The following PTPRD variants were observed in gnomAD, a reference collection of about 807,000 sequenced individuals.
The protein encoded by PTPRD is receptor-type tyrosine-protein phosphatase delta.
PTPRD carries 34 observed loss-of-function variants against 214.5 expected under a neutral mutation model. The observed-to-expected ratio is 0.16, with a 90% CI of 0.12 to 0.21. The LOEUF is 0.21. Ranked by LOEUF, PTPRD falls within the 10% of genes least tolerant of loss-of-function variation. The probability of loss-of-function intolerance (pLI) is 1.00; values close to 1 mark genes in which losing one functional copy is unlikely to be tolerated. For synonymous variants in PTPRD, 1,128 were observed against 845.7 expected, an observed-to-expected ratio of 1.33 and a Z score of -5.79; for missense variants, 2,545 against 2,398.7, an observed-to-expected ratio of 1.06 and a Z score of -1.27.
intron 8 of PTPRD, among the ~76,000 whole-genome samples, chr9:9,476,657 G>A (rs796368989): frequency 3.3e-5 from 5 of 152,216 alleles, no homozygotes; most frequent in African/African-American, 1.2e-4. Context: ...TAACTCCTCT[G>A]CTCATACTAA....
intron 10 of PTPRD, among the ~76,000 whole-genome samples, chr9:9,095,350 A>G (rs189334919): frequency 6.6e-6 from 1 of 152,326 alleles, no homozygotes; most frequent in African/African-American, 2.4e-5. Flanking sequence ...TCTACATAGA[A>G]AATCTGAAGA....
At chr9:9,889,321 GA>G (rs2072301952) in intron 5 of PTPRD, among the ~76,000 whole-genome samples, 1 of 152,094 alleles carries the variant, frequency 6.6e-6, no homozygotes, top group African/African-American at 2.4e-5. Context: ...TAACTAGCTA[GA>G]TTTAGTCATT....
intron 11 of PTPRD, among the ~76,000 whole-genome samples, chr9:8,941,452 G>A (rs975426619): frequency 1.3e-5 from 2 of 152,052 alleles, no homozygotes; most frequent in African/African-American, 4.8e-5. Flanking sequence ...ATATTTCTCA[G>A]AAAAAGAGCA....
intron 4 of PTPRD, among the ~76,000 whole-genome samples, chr9:10,031,220 T>A (rs576207065): frequency 9.2e-5 from 14 of 152,186 alleles, no homozygotes; most frequent in Non-Finnish European, 1.8e-4. Flanking sequence ...AACAGCTGGG[T>A]GACCTGTGAA....
chr9:8,511,436 T>C (rs774255056), intron 21 of PTPRD, among the ~76,000 whole-genome samples: 6 of 152,168 alleles, frequency 3.9e-5, no homozygotes, highest in Non-Finnish European at 8.8e-5. Context: ...CTGGTATTTT[T>C]TTTTTTAACC....
chr9:8,626,802 G>A (rs1564812070), intron 14 of PTPRD, among the ~76,000 whole-genome samples: 1 of 151,618 alleles, frequency 6.6e-6, no homozygotes, highest in Non-Finnish European at 1.5e-5. Context: ...GACTAGAACT[G>A]CACATCAACT....
intron 45 of PTPRD, among the ~76,000 whole-genome samples, chr9:8,319,301 A>G (rs921053341): frequency 6.6e-6 from 1 of 152,116 alleles, no homozygotes; most frequent in Non-Finnish European, 1.5e-5. Context: ...ATTACGAGAA[A>G]TATCCAAATT....
intron 10 of PTPRD, among the ~76,000 whole-genome samples, chr9:9,036,267 C>T (rs566937532): frequency 6.7e-6 from 1 of 149,424 alleles, no homozygotes; most frequent in South Asian, 2.1e-4. Context: ...AGAACATTTC[C>T]TAAACAAAAG....
At chr9:10,580,898 C>T (rs890600851) in intron 2 of PTPRD, among the ~76,000 whole-genome samples, 2 of 152,094 alleles carry the variant, frequency 1.3e-5, no homozygotes, top group African/African-American at 4.8e-5. Flanking sequence ...ACTTGCATGT[C>T]TAATGAGAAC....
In PTPRD at chr9:9,334,405, T is replaced by C. The variant is rs75228396; in HGVS notation, c.-203+63044A>G. ...CAGTATTCTAAAAGTTCTAGTTTAA[T>C]GTGAAATAGTCTGTTAATCACCTAG... On this transcript the variant is annotated intron_variant, in intron 9 of 45. Coordinates refer to ENST00000381196, the MANE Select transcript of PTPRD (RefSeq NM_002839.4). 5.0e-3 allele frequency among the ~76,000 whole-genome samples: 756 copies of C among 152,146 alleles called. 2 individuals carry two copies. Among genetic ancestry groups the C allele is most frequent in the Middle Eastern group, 0.017 (5 of 294 alleles).
At chr9:9,428,771 A>T (rs1001194597) in intron 8 of PTPRD, among the ~76,000 whole-genome samples, 3 of 152,184 alleles carry the variant, frequency 2.0e-5, no homozygotes, top group African/African-American at 7.2e-5. Context: ...GCTCAACTAC[A>T]TGGAAACTGA....
chr9:8,692,358 T>C (rs983616424), intron 12 of PTPRD, among the ~76,000 whole-genome samples: 5 of 152,282 alleles, frequency 3.3e-5, no homozygotes, highest in East Asian at 1.9e-4. Context: ...AGTGGTTCTA[T>C]CATCTCTTCC....
chr9:9,423,280 G>A (rs1485704205), intron 8 of PTPRD, among the ~76,000 whole-genome samples: 1 of 152,078 alleles, frequency 6.6e-6, no homozygotes, highest in Admixed American at 6.6e-5. Context: ...GTTTAGATGA[G>A]GTTAGTATCC....
chr9:10,005,191 G>A (rs2096447365), intron 4 of PTPRD, among the ~76,000 whole-genome samples: 10 of 152,002 alleles, frequency 6.6e-5, no homozygotes, highest in Admixed American at 6.6e-4. Context: ...TAGGGCAGCA[G>A]ATAAGGCACA....
At chr9:8,764,175 A>G (rs1291441342) in intron 11 of PTPRD, among the ~76,000 whole-genome samples, 1 of 152,178 alleles carries the variant, frequency 6.6e-6, no homozygotes, top group Non-Finnish European at 1.5e-5. Flanking sequence ...TACATATGGC[A>G]TTACATCAGA....
chr9:10,500,715 G>A (rs2043405217), intron 2 of PTPRD, among the ~76,000 whole-genome samples: 1 of 151,408 alleles, frequency 6.6e-6, no homozygotes, highest in African/African-American at 2.4e-5. Context: ...ACCCTTCCCA[G>A]ACTCTTGTAA....
intron 2 of PTPRD, among the ~76,000 whole-genome samples, chr9:10,466,623 C>CAAAAAAAAAAAAAAAAAAA (rs66705572): frequency 2.6e-5 from 2 of 76,874 alleles, no homozygotes; most frequent in African/African-American, 5.8e-5. Context: ...AACTCCAACT[C>CAAAAAAAAAAAAAAAAAAA]AAAAAAAAAA....
At chr9:9,780,643 C>G (rs2098835924) in intron 5 of PTPRD, among the ~76,000 whole-genome samples, 1 of 152,058 alleles carries the variant, frequency 6.6e-6, no homozygotes, top group African/African-American at 2.4e-5. Context: ...TGATTTCTTA[C>G]AAAGCTAAAT....
intron 5 of PTPRD, among the ~76,000 whole-genome samples, chr9:9,768,593 C>T (rs543434882): frequency 1.7e-4 from 26 of 151,660 alleles, no homozygotes; most frequent in African/African-American, 5.1e-4. Context: ...TTGGCAGGGA[C>T]GAAATGAGGC....
Sources: gnomAD v4.1 joint callset for allele counts (sites outside exome capture counted in the v4.1 genomes callset) on GRCh38, gnomAD v4.1.1 for gene constraint, MANE v1.5 for transcripts, NCBI Gene and HGNC (gene_info 2026-07-23, HGNC 2026-07-21) for gene names.